The following ZKSCAN5 variants were observed in gnomAD, a reference collection of about 807,000 sequenced individuals.
The protein encoded by ZKSCAN5 is zinc finger protein with KRAB and SCAN domains 5.
ZKSCAN5 carries 28 observed loss-of-function variants against 60.0 expected under a neutral mutation model. The observed-to-expected ratio is 0.47, with a 90% confidence interval of 0.35 to 0.64. The LOEUF is 0.64. ZKSCAN5 is among the 30% of genes least tolerant of loss of function. The pLI, the probability that ZKSCAN5 is intolerant of heterozygous loss-of-function variation, is 0.01. For missense variants in ZKSCAN5, 881 were observed against 1,034.6 expected, an observed-to-expected ratio of 0.85 and a Z score of 2.04; for synonymous variants, 361 against 371.2, an observed-to-expected ratio of 0.97 and a Z score of 0.31.
intron 3 of ZKSCAN5, among the ~76,000 whole-genome samples, chr7:99,514,426 A>C (rs1454095836): frequency 6.6e-6 from 1 of 152,210 alleles, no homozygotes; most frequent in African/African-American, 2.4e-5. Flanking sequence ...CAGCAAATGA[A>C]AAATTTGGAA....
In ZKSCAN5 at chr7:99,508,854, C is replaced by T. The variant is rs369449297; in HGVS notation, c.414+2396C>T. ...TTGGAGACAAGGTCTTACTCTGTCA[C>T]CCAGACTGTAGTGCAATGGTGCAAT... On this transcript the variant is annotated intron_variant, in intron 2 of 6. Coordinates refer to ENST00000326775, the MANE Select transcript of ZKSCAN5 (RefSeq NM_145102.4). Among the ~76,000 whole-genome samples, 7 of 149,438 alleles carry T rather than the reference C, an allele frequency of 4.7e-5. No individual in the cohort carries two copies. In the East Asian group the frequency reaches 5.9e-4, roughly 13 times the overall value.
At chr7:99,505,433 C>T (rs1195307871) in intron 1 of ZKSCAN5, 1 of 151,986 alleles carries the variant, frequency 6.6e-6, no homozygotes, top group Non-Finnish European at 1.5e-5. Flanking sequence ...GGGTCCTGTC[C>T]CTAACCTTGA....
chr7:99,524,512 A>G (rs1247702252), intron 5 of ZKSCAN5, among the ~76,000 whole-genome samples: 1 of 152,154 alleles, frequency 6.6e-6, no homozygotes, highest in Non-Finnish European at 1.5e-5. Context: ...GTGCCTGGCC[A>G]ATACTCTATT....
Position 99,519,826 on chromosome 7 carries a change from G to A in ZKSCAN5, c.554-1G>A. ...TTAAACCTCTTTTTCTCCTCCCTTA[G>A]CCCTTCCTGTTCTCCAAGTTCCTTC... On this transcript the variant is annotated splice_acceptor_variant, in intron 3 of 6. Transcript: ENST00000326775. LOFTEE classifies it high-confidence loss of function. 6.2e-7 allele frequency: 1 copy of A among 1,613,660 alleles called. No homozygotes were observed. The highest frequency in any genetic ancestry group is 8.5e-7 in the Non-Finnish European group (1 of 1,179,924).
intron 2 of ZKSCAN5, among the ~76,000 whole-genome samples, chr7:99,509,407 AGCCACCAC>A (rs1372438264): frequency 6.6e-6 from 1 of 151,784 alleles, no homozygotes; most frequent in East Asian, 1.9e-4. Context: ...TGCAGGTGTG[AGCCACCAC>A]GCCTGACCAT....
intron 2 of ZKSCAN5, among the ~76,000 whole-genome samples, chr7:99,510,796 A>G (rs1305808157): frequency 1.3e-5 from 2 of 151,748 alleles, no homozygotes; most frequent in Non-Finnish European, 2.9e-5. Context: ...AGGCTGGAGC[A>G]TTGGTGCAAT....
At chr7:99,512,660 T>C in intron 3 of ZKSCAN5, 69 bp downstream of exon 3, 2 of 1,547,732 alleles carry the variant, frequency 1.3e-6, no homozygotes, top group Non-Finnish European at 1.7e-6. Context: ...TGGCAGGCAC[T>C]ATCTGCGGGA....
Position 99,531,895 on chromosome 7 carries a change from T to C in ZKSCAN5, c.2166T>C (p.Cys722=). Residue 722 remains cysteine (C), a synonymous_variant, in exon 7 of 7, where the codon TGT becomes TGC. Coordinates refer to ENST00000326775, the MANE Select transcript of ZKSCAN5 (RefSeq NM_145102.4). ...LQEQPYQCDI[C]GKAFGYSSDL... Reference sequence around the variant, plus strand: ...AGCAGCCTTATCAGTGTGATATCTGTGGAAAAGCCTTTGGTTATAGCTCAG... The same window carrying C: ...AGCAGCCTTATCAGTGTGATATCTGCGGAAAAGCCTTTGGTTATAGCTCAG... The C allele has an allele frequency of 6.2e-7, 1 of 1,614,196 alleles. No homozygotes were observed. Among genetic ancestry groups the C allele is most frequent in the Non-Finnish European group, 8.5e-7 (1 of 1,180,046 alleles).
intron 3 of ZKSCAN5, among the ~76,000 whole-genome samples, chr7:99,513,033 T>C (rs1475557795): frequency 7.3e-6 from 1 of 136,716 alleles, no homozygotes; most frequent in African/African-American, 2.8e-5. Context: ...TGTGTCCATG[T>C]GTTCTCATTG....
At chr7:99,514,197 A>G (rs1422618883) in intron 3 of ZKSCAN5, among the ~76,000 whole-genome samples, 3 of 152,198 alleles carry the variant, frequency 2.0e-5, no homozygotes, top group African/African-American at 7.2e-5. Flanking sequence ...TAAGAATGCC[A>G]TTTCCCTTTT....
chr7:99,507,503 A>ATATATATATG (rs1224687418), intron 2 of ZKSCAN5, among the ~76,000 whole-genome samples: 2 of 142,708 alleles, frequency 1.4e-5, no homozygotes, highest in African/African-American at 5.4e-5. Context: ...ATATATGTGT[A>ATATATATATG]TATATATGTG....
In ZKSCAN5 at chr7:99,533,300, TGG is replaced by T. The variant is rs149355979; in HGVS notation, c.*1054_*1055del. On this transcript the variant is annotated 3_prime_UTR_variant, in exon 7 of 7. Coordinates refer to ENST00000326775, the MANE Select transcript of ZKSCAN5 (RefSeq NM_145102.4). ...TGTTAGCCCTGCCTTCCAGGAAGGT[TGG>T]GGTGGGAGTTTTGAGTGGGAAAGAG... 761 of 663,944 alleles carry T rather than the reference TGG, an allele frequency of 1.1e-3. 6 individuals carry two copies. In the African/African-American group the frequency reaches 0.012, roughly 10 times the overall value. 41.1% of individuals were successfully genotyped at this position (663,944 alleles called of 1,614,324 possible).
At chr7:99,526,967 G>A (rs1273980570) in intron 6 of ZKSCAN5, among the ~76,000 whole-genome samples, 1 of 152,162 alleles carries the variant, frequency 6.6e-6, no homozygotes, top group Non-Finnish European at 1.5e-5. Flanking sequence ...GGTAGTAAAT[G>A]AGGATTTGGC....
intron 3 of ZKSCAN5, 131 bp from the exon 4 acceptor site, chr7:99,519,696 A>G: frequency 2.6e-6 from 2 of 759,038 alleles, no homozygotes; most frequent in South Asian, 3.4e-5. Context: ...GAGGGTCTTG[A>G]CAGCCAGGCA....
chr7:99,530,959 A>T (rs1802013836), intron 6 of ZKSCAN5, 149 bp from the exon 7 acceptor site: 1 of 652,512 alleles, frequency 1.5e-6, no homozygotes, highest in Non-Finnish European at 2.5e-6. Context: ...TGAGAGGCTG[A>T]GGCAGGAGAA....
intron 2 of ZKSCAN5, among the ~76,000 whole-genome samples, chr7:99,506,683 A>G (rs1214753725): frequency 6.6e-6 from 1 of 152,086 alleles, no homozygotes; most frequent in Non-Finnish European, 1.5e-5. Context: ...TACTGTATTT[A>G]TTTAATTATT....
intron 6 of ZKSCAN5, among the ~76,000 whole-genome samples, chr7:99,528,448 A>G (rs1246586542): frequency 6.6e-6 from 1 of 151,394 alleles, no homozygotes; most frequent in Non-Finnish European, 1.5e-5. Context: ...GTATTTTGAG[A>G]TAGGGTCTTG....
rs914337686 is a variant in ZKSCAN5, at chr7:99,515,306, C to G, written c.553+2715C>G. ...CCTGTAATCCCAGCTACTTGGGAGG[C>G]TGAGACAGGAGAATGGCTTGAACAC... On this transcript the variant is annotated intron_variant, in intron 3 of 6. Coordinates refer to ENST00000326775, the MANE Select transcript of ZKSCAN5 (RefSeq NM_145102.4). Among the ~76,000 whole-genome samples the G allele has an allele frequency of 2.6e-5, 4 of 151,728 alleles. No homozygotes were observed. The East Asian group carries it at 5.8e-4, about 22-fold the overall frequency.
At chr7:99,516,291 T>C (rs1801263041) in intron 3 of ZKSCAN5, among the ~76,000 whole-genome samples, 1 of 152,212 alleles carries the variant, frequency 6.6e-6, no homozygotes, top group Non-Finnish European at 1.5e-5. Context: ...TCTGCCCTGT[T>C]AACCAGATCC....
Sources: allele counts gnomAD v4.1 joint callset (sites outside exome capture counted in the v4.1 genomes callset), GRCh38; gene constraint gnomAD v4.1.1; transcripts MANE v1.5; gene names NCBI Gene and HGNC (gene_info 2026-07-23, HGNC 2026-07-21).